HMCN1: variants seen among roughly 807,000 people sequenced by gnomAD.
HMCN1 encodes the protein hemicentin-1.
A neutral mutation model predicts 625.9 loss-of-function variants in HMCN1; 321 were observed. That is an observed-to-expected ratio of 0.51 (90% CI 0.47 to 0.56). The LOEUF is 0.56. Among genes scored for constraint, HMCN1 ranks in the 20% least tolerant of loss-of-function variants. HMCN1 has a pLI of 0.00. For missense variants in HMCN1, 6,588 were observed against 6,887.3 expected, an observed-to-expected ratio of 0.96 and a Z score of 1.54; for synonymous variants, 2,425 against 2,417.6, an observed-to-expected ratio of 1.00 and a Z score of -0.09.
intron 86 of HMCN1, among the ~76,000 whole-genome samples, chr1:186,136,250 AAC>A (rs1308167583): frequency 6.6e-6 from 1 of 152,188 alleles, no homozygotes; most frequent in Non-Finnish European, 1.5e-5. Context: ...CACCATATAA[AAC>A]ACAGACAAAA....
intron 11 of HMCN1, among the ~76,000 whole-genome samples, chr1:185,954,102 G>T (rs1374598902): frequency 2.6e-5 from 4 of 151,782 alleles, no homozygotes; most frequent in African/African-American, 9.7e-5. Context: ...AGTTAAGGTG[G>T]GGCAGGGCAT....
Position 186,088,614 on chromosome 1 carries a change from G to C in HMCN1, c.9586G>C (p.Asp3196His), listed in dbSNP as rs1290551074. The change falls in exon 63 of 107, where the codon GAC becomes CAC. Residue 3196 changes from aspartate (D) to histidine (H), a missense_variant. Around this residue, in one of 3 missense-constraint regions of HMCN1, gnomAD observed 4,628 missense variants for 4,853.1 expected, o/e 0.95. Coordinates refer to ENST00000271588, the MANE Select transcript of HMCN1 (RefSeq NM_031935.3). ...TTTGTTTCTACCTCTAGAAAATTCT[G>C]ACTCACTGGAAGTTCGTATTTTGTC... is the stretch of plus-strand genomic sequence containing the variant. ...LKNHKRIENS[D>H]SLEVRILSGG... 2 of 1,611,516 alleles carry C rather than the reference G, an allele frequency of 1.2e-6. No homozygotes were observed. Among genetic ancestry groups the C allele is most frequent in the Admixed American group, 1.7e-5 (1 of 59,788 alleles).
At chr1:186,165,665 G>C (rs1285275733) in intron 98 of HMCN1, among the ~76,000 whole-genome samples, 1 of 152,210 alleles carries the variant, frequency 6.6e-6, no homozygotes, top group African/African-American at 2.4e-5. Context: ...TAAATGGCTT[G>C]AGGAGCTTAC....
intron 71 of HMCN1, 39 bp from the exon 72 acceptor site, chr1:186,112,773 G>C (rs201480810): frequency 1.2e-6 from 2 of 1,611,910 alleles, no homozygotes; most frequent in South Asian, 2.2e-5. Flanking sequence ...CTCTTTTCCT[G>C]ACATTTTAAC....
At chr1:186,122,517 T>C (rs1036846963) in intron 80 of HMCN1, among the ~76,000 whole-genome samples, 1 of 152,214 alleles carries the variant, frequency 6.6e-6, no homozygotes, top group Non-Finnish European at 1.5e-5. Context: ...CCACTGTATA[T>C]GTGTATTCTA....
intron 93 of HMCN1, 117 bp from the exon 94 acceptor site, chr1:186,151,083 C>A: frequency 1.0e-6 from 1 of 964,448 alleles, no homozygotes; most frequent in Non-Finnish European, 1.6e-6. Context: ...TGTCATATGA[C>A]CTTTTTGATG....
intron 1 of HMCN1, among the ~76,000 whole-genome samples, chr1:185,770,097 G>A (rs1285775664): frequency 6.6e-6 from 1 of 152,082 alleles, no homozygotes; most frequent in Non-Finnish European, 1.5e-5. Context: ...TCTACAGTAG[G>A]GAAGTGAGTT....
At chr1:185,975,002 G>A (rs1025008536) in intron 15 of HMCN1, among the ~76,000 whole-genome samples, 1 of 152,104 alleles carries the variant, frequency 6.6e-6, no homozygotes, top group African/African-American at 2.4e-5. Context: ...AGTAAACTGG[G>A]TATTCTTCCA....
intron 1 of HMCN1, among the ~76,000 whole-genome samples, chr1:185,767,694 C>T (rs1655962040): frequency 6.6e-6 from 1 of 152,032 alleles, no homozygotes; most frequent in Non-Finnish European, 1.5e-5. Context: ...CCAATTCATC[C>T]CTAGAGATGC....
chr1:185,781,081 T>G (rs1280449902), intron 1 of HMCN1, among the ~76,000 whole-genome samples: 1 of 152,092 alleles, frequency 6.6e-6, no homozygotes, highest in African/African-American at 2.4e-5. Flanking sequence ...TCTTGGGAAG[T>G]TGTATGTGTC....
chr1:186,053,119 G>A (rs748272264), intron 43 of HMCN1, 45 bp downstream of exon 43: 1 of 1,513,026 alleles, frequency 6.6e-7, no homozygotes, highest in Non-Finnish European at 9.2e-7. Flanking sequence ...GAAAATATAA[G>A]ATGGATATTG....
chr1:186,160,604 G>A (rs955715062), intron 97 of HMCN1, among the ~76,000 whole-genome samples: 4 of 151,944 alleles, frequency 2.6e-5, no homozygotes, highest in African/African-American at 9.7e-5. Context: ...GTGTCCCAGA[G>A]ATTCTGTTAT....
At chr1:186,170,245 G>A (rs1264662086) in intron 100 of HMCN1, among the ~76,000 whole-genome samples, 1 of 152,158 alleles carries the variant, frequency 6.6e-6, no homozygotes, top group Non-Finnish European at 1.5e-5. Context: ...ATAGTTATGT[G>A]TCATTAGCAG....
At chr1:185,810,632 G>A (rs1244327744) in intron 1 of HMCN1, among the ~76,000 whole-genome samples, 6 of 150,454 alleles carry the variant, frequency 4.0e-5, no homozygotes, top group Non-Finnish European at 5.9e-5. Context: ...CCTAAAGAGT[G>A]ACAACTAAAT....
intron 6 of HMCN1, among the ~76,000 whole-genome samples, chr1:185,916,213 C>T (rs1447818060): frequency 6.6e-6 from 1 of 152,116 alleles, no homozygotes; most frequent in East Asian, 1.9e-4. Flanking sequence ...CAATGCCTAG[C>T]TCACAGTAGG....
rs771535572 is a variant in HMCN1 at position 186,061,958 on chromosome 1, G to A, written c.7420G>A (p.Val2474Ile). The change falls in exon 47 of 107, where the codon GTA becomes ATA. Residue 2474 changes from valine to isoleucine, a missense_variant. Physicochemically the swap from Val to Ile is conservative, Grantham distance 29. Coordinates refer to ENST00000271588, the MANE Select transcript of HMCN1 (RefSeq NM_031935.3). The part of the protein sequence containing the change: ...GEERKIFGLS[V>I]LVPPHIVGEN... Reference sequence around the variant, plus strand: ...AGAAAGAAAAATCTTTGGGCTTTCAGTATTAGGTACTTATATAGTTTGCAA... The same window carrying A: ...AGAAAGAAAAATCTTTGGGCTTTCAATATTAGGTACTTATATAGTTTGCAA... 6.3e-7 allele frequency: 1 copy of A among 1,583,000 alleles called. No homozygotes were observed. Among genetic ancestry groups the A allele is most frequent in the Admixed American group, 1.7e-5 (1 of 59,916 alleles).
intron 19 of HMCN1, among the ~76,000 whole-genome samples, chr1:185,986,276 G>A (rs1002182271): frequency 6.6e-6 from 1 of 152,008 alleles, no homozygotes; most frequent in African/African-American, 2.4e-5. Context: ...TGAGGTTTCT[G>A]GTGTCTCTAG....
At chr1:186,152,508 ATGAAATTCGTG>A (rs1349581022) in intron 95 of HMCN1, among the ~76,000 whole-genome samples, 7 of 152,266 alleles carry the variant, frequency 4.6e-5, no homozygotes, top group Non-Finnish European at 7.3e-5. Context: ...AATTTAAAGT[ATGAAATTCGTG>A]TAACCGTTTG....
Position 185,994,128 on chromosome 1 carries a change from CAT to C in HMCN1, c.3506-685_3506-684del, listed in dbSNP as rs1282600635. Among the ~76,000 whole-genome samples the C allele has an allele frequency of 2.6e-5, 4 of 151,944 alleles. No homozygotes were observed. The East Asian group carries it at 7.7e-4, about 29-fold the overall frequency. ...TTAAATATTAAGTTAAAGAAAAAAA[CAT>C]AGAAATTGTGCTTTTTAAGGATGTA... On this transcript the variant is annotated intron_variant, in intron 23 of 106. Coordinates refer to ENST00000271588, the MANE Select transcript of HMCN1 (RefSeq NM_031935.3).
Sources: gnomAD v4.1 joint callset for allele counts (sites outside exome capture counted in the v4.1 genomes callset) on GRCh38, gnomAD v4.1.1 for gene constraint, gnomAD v4.1.1 regional missense constraint, MANE v1.5 for transcripts, NCBI Gene and HGNC (gene_info 2026-07-23, HGNC 2026-07-21) for gene names.